The following CPEB1 variants were observed in gnomAD, a reference collection of about 807,000 sequenced individuals.
CPEB1 encodes cytoplasmic polyadenylation element binding protein 1.
A neutral mutation model predicts 65.8 loss-of-function variants in CPEB1; 7 were observed. The ratio of observed to expected loss-of-function variants is 0.11; its 90% CI spans 0.06 to 0.20. CPEB1 has a LOEUF of 0.20. Ranked by LOEUF, CPEB1 falls within the 10% of genes least tolerant of loss-of-function variation. The pLI is 1.00. For synonymous variants in CPEB1, 262 were observed against 260.0 expected, an observed-to-expected ratio of 1.01 and a Z score of -0.08; for missense variants, 551 against 712.2, an observed-to-expected ratio of 0.77 and a Z score of 2.58.
At chr15:82,575,542 G>T (rs1203716190) in intron 3 of CPEB1, among the ~76,000 whole-genome samples, 2 of 152,114 alleles carry the variant, frequency 1.3e-5, no homozygotes, top group African/African-American at 4.8e-5. Context: ...GCCACAATAT[G>T]TGAGAAAATA....
rs995042653 is a variant in CPEB1, at chr15:82,629,576, C to T, written c.-97-1020G>A. On this transcript the variant is annotated intron_variant, in intron 1 of 12. Transcript: ENST00000684509. ...GAAATGTAGGTACCATTCTTCACTCCGGTCTCCCTCACTCTCCACAGCCAA... is the reference window on the plus strand; with the variant it reads ...GAAATGTAGGTACCATTCTTCACTCTGGTCTCCCTCACTCTCCACAGCCAA... The T allele has an allele frequency of 2.0e-5, 20 of 985,300 alleles. No homozygotes were observed. The African/African-American group carries it at 2.8e-4, about 14-fold the overall frequency. 61.0% of individuals were successfully genotyped at this position (985,300 alleles called of 1,614,324 possible).
chr15:82,644,067 G>A (rs1567244175), intron 1 of CPEB1, among the ~76,000 whole-genome samples: 2 of 152,188 alleles, frequency 1.3e-5, no homozygotes, highest in East Asian at 3.8e-4. Flanking sequence ...ACAGTGGGAG[G>A]AGCCTGCCTT....
Position 82,571,785 on chromosome 15 carries a change from G to A in CPEB1, c.272-253C>T, listed in dbSNP as rs1376965030. On this transcript the variant is annotated intron_variant, in intron 3 of 12. Coordinates refer to ENST00000684509, the MANE Select transcript of CPEB1 (RefSeq NM_001365242.1). The stretch of plus-strand genomic sequence containing the variant: ...ACAGACTGGGCCAGCATGTGATCAG[G>A]CTGCTGATGCTTCCCGCTGCCAGTG... 4 of 1,266,786 alleles carry A rather than the reference G, an allele frequency of 3.2e-6. 1 individual carries two copies. The allele number at this position is 1,266,786 out of a possible 1,614,324, so 78.5% of individuals were successfully genotyped here. A position where few individuals can be genotyped will look rare whatever the true frequency, so the allele number is the denominator to read the frequency against.
chr15:82,625,690 T>G (rs2045702158), intron 3 of CPEB1, among the ~76,000 whole-genome samples: 1 of 152,206 alleles, frequency 6.6e-6, no homozygotes. Context: ...TGCATGTAAG[T>G]GGACCTGCAC....
At chr15:82,612,466 C>T (rs2044254056) in intron 3 of CPEB1, among the ~76,000 whole-genome samples, 1 of 141,014 alleles carries the variant, frequency 7.1e-6, no homozygotes, top group South Asian at 2.2e-4. Flanking sequence ...TATTGCATTC[C>T]AGCCTGGGTA....
chr15:82,634,294 T>A (rs971788849), intron 1 of CPEB1, among the ~76,000 whole-genome samples: 5 of 152,186 alleles, frequency 3.3e-5, no homozygotes, highest in African/African-American at 7.2e-5. Flanking sequence ...AATTTTATAT[T>A]TATTTGTATA....
At chr15:82,559,782 A>G (rs1210105973) in intron 4 of CPEB1, among the ~76,000 whole-genome samples, 3 of 152,212 alleles carry the variant, frequency 2.0e-5, no homozygotes, top group African/African-American at 7.2e-5. Context: ...ATCCCTGACA[A>G]ACTTCTCAAA....
At chr15:82,615,368 T>A (rs1305396004) in intron 3 of CPEB1, among the ~76,000 whole-genome samples, 1 of 152,222 alleles carries the variant, frequency 6.6e-6, no homozygotes, top group East Asian at 1.9e-4. Context: ...GTTTCTGAAG[T>A]GACAACCAAG....
intron 3 of CPEB1, among the ~76,000 whole-genome samples, chr15:82,606,098 T>C (rs2043560225): frequency 1.3e-5 from 2 of 152,268 alleles, no homozygotes; most frequent in South Asian, 4.2e-4. Context: ...AATAAAGCGA[T>C]ACTGGTGCAA....
rs17158407 is a variant in CPEB1 at position 82,568,075 on chromosome 15, C to T, written c.460+3269G>A. The stretch of plus-strand genomic sequence containing the variant: ...TCTCACCCAATATGTTAGAGTTCTG[C>T]TAACAGGACCACAGGTGTAACAGGA... On this transcript the variant is annotated intron_variant, in intron 4 of 12. Transcript: ENST00000684509. Among the ~76,000 whole-genome samples the T allele has an allele frequency of 9.0e-3, 1,370 of 152,192 alleles. 177 individuals are homozygous for T. The South Asian group carries it at 0.27, about 30-fold the overall frequency.
intron 1 of CPEB1, among the ~76,000 whole-genome samples, chr15:82,635,755 A>G (rs2046608373): frequency 6.6e-6 from 1 of 152,204 alleles, no homozygotes; most frequent in Non-Finnish European, 1.5e-5. Flanking sequence ...AATGCTATAG[A>G]AGAGAGGAAT....
At chr15:82,599,135 T>TG (rs1368865249) in intron 3 of CPEB1, among the ~76,000 whole-genome samples, 31 of 152,026 alleles carry the variant, frequency 2.0e-4, no homozygotes, top group Admixed American at 2.0e-3. Flanking sequence ...TGTTCACAAA[T>TG]GAAAAACTTA....
chr15:82,595,376 T>C (rs533852712), intron 3 of CPEB1, among the ~76,000 whole-genome samples: 96 of 152,362 alleles, frequency 6.3e-4, no homozygotes, highest in African/African-American at 2.1e-3. Flanking sequence ...AACCGCCAAA[T>C]TGTTTTCCAA....
intron 3 of CPEB1, among the ~76,000 whole-genome samples, chr15:82,587,501 G>A (rs2151128988): frequency 6.6e-6 from 1 of 152,258 alleles, no homozygotes; most frequent in South Asian, 2.1e-4. Context: ...TAAGTGGCTG[G>A]GGAAAGAGAG....
At chr15:82,548,700 C>T (rs921026792) in intron 10 of CPEB1, 12 of 455,748 alleles carry the variant, frequency 2.6e-5, no homozygotes, top group South Asian at 1.9e-4. Context: ...GGAAGAAGCC[C>T]CATCCTGCCA....
At chr15:82,569,606 C>A (rs2039705229) in intron 4 of CPEB1, among the ~76,000 whole-genome samples, 1 of 152,238 alleles carries the variant, frequency 6.6e-6, no homozygotes, top group Non-Finnish European at 1.5e-5. Context: ...ATGACTAGAT[C>A]CAAGCTACTT....
chr15:82,613,017 T>C (rs1281355809), intron 3 of CPEB1, among the ~76,000 whole-genome samples: 1 of 151,546 alleles, frequency 6.6e-6, no homozygotes, highest in African/African-American at 2.4e-5. Context: ...CACAAGCTCT[T>C]CTCAAGAACA....
Position 82,557,884 on chromosome 15 carries a change from G to A in CPEB1, c.563C>T (p.Pro188Leu), listed in dbSNP as rs944212857. 1.2e-6 allele frequency: 2 copies of A among 1,614,052 alleles called. No individual in the cohort carries two copies. Among genetic ancestry groups the A allele is most frequent in the Non-Finnish European group, 1.7e-6 (2 of 1,180,030 alleles). The change falls in exon 5 of 13, where the codon CCA (proline) becomes CTA (leucine). Residue 188 changes from proline to leucine, a missense_variant. Coordinates refer to ENST00000684509, the MANE Select transcript of CPEB1 (RefSeq NM_001365242.1). ...PLGSDLVDKF[P>L]APSVRGSRLD... ...GCGTGATCCTCTAACTGAGGGTGCT[G>A]GAAACTTGTCCACCAAGTCAGACCC...
At position 82,556,075 on chromosome 15, in the gene CPEB1, C is replaced by A. The variant is rs778002866; in HGVS notation, c.735G>T (p.Gly245=). 1.3e-5 allele frequency: 21 copies of A among 1,610,170 alleles called. No individual in the cohort carries two copies. ...TCTTTAAAGGGTCTCTGGGACCACC[C>A]CCTGACAGAGACAGGAAGGGCAGAG... The part of the protein sequence containing the change: ...SPPLPFLSLS[G]GGPRDPLKMG... Residue 245 remains glycine (G), a synonymous_variant, in exon 6 of 13, where the codon GGG becomes GGT. Transcript: ENST00000684509.
Sources: gnomAD v4.1 joint callset for allele counts (sites outside exome capture counted in the v4.1 genomes callset) on GRCh38, gnomAD v4.1.1 for gene constraint, MANE v1.5 for transcripts, NCBI Gene and HGNC (gene_info 2026-07-23, HGNC 2026-07-21) for gene names.